PARD6G: variants seen among roughly 807,000 people sequenced by gnomAD.
The protein encoded by PARD6G is partitioning defective 6 homolog gamma.
In PARD6G, 7 loss-of-function variants were observed where a neutral mutation model predicts 10.7. The ratio of observed to expected loss-of-function variants is 0.66; its 90% CI spans 0.37 to 1.23. The LOEUF (loss-of-function observed/expected upper bound fraction) is 1.23. PARD6G is among the 50% of genes most tolerant of loss of function. The probability of loss-of-function intolerance (pLI) is 0.02; values close to 1 mark genes in which losing one functional copy is unlikely to be tolerated. For synonymous variants in PARD6G, 287 were observed against 269.4 expected (o/e 1.07, Z -0.64); for missense variants, 548 against 571.8 (o/e 0.96, Z 0.42).
intron 1 of PARD6G, among the ~76,000 whole-genome samples, chr18:80,225,019 T>C (rs62101590): frequency 0.17 from 26,321 of 152,032 alleles, 2,857 homozygotes; most frequent in East Asian, 0.43. Context: ...ACTGAAAACA[T>C]AGTCCCCTGC....
intron 1 of PARD6G, among the ~76,000 whole-genome samples, chr18:80,229,882 G>A (rs1052497789): frequency 2.0e-5 from 3 of 152,214 alleles, no homozygotes; most frequent in African/African-American, 4.8e-5. Flanking sequence ...TGGGCGGCCA[G>A]GCAAACAGGA....
intron 2 of PARD6G, among the ~76,000 whole-genome samples, chr18:80,176,514 G>A (rs1413166092): frequency 6.6e-6 from 1 of 152,184 alleles, no homozygotes. Flanking sequence ...AGCTGGTCCT[G>A]AGTCTCAGCT....
chr18:80,229,034 G>A (rs1029453158), intron 1 of PARD6G, among the ~76,000 whole-genome samples: 1 of 152,172 alleles, frequency 6.6e-6, no homozygotes, highest in Non-Finnish European at 1.5e-5. Context: ...CACCTCCTGG[G>A]TTCAAGCGAT....
chr18:80,159,586 A>T lies in PARD6G; in HGVS notation c.*185T>A. On this transcript the variant is annotated 3_prime_UTR_variant, in exon 3 of 3. Coordinates refer to ENST00000353265, the MANE Select transcript of PARD6G (RefSeq NM_032510.4). ...GAGTGTCTCTACAGGCGTTCATTTT[A>T]AGTTCTGTGGCGAAATTCTATAAAA... 1 of 1,010,232 alleles carries T rather than the reference A, an allele frequency of 9.9e-7. No individual in the cohort carries two copies. The highest frequency in any genetic ancestry group is 1.3e-6 in the Non-Finnish European group (1 of 772,162). The allele number at this position is 1,010,232 out of a possible 1,614,324, so 62.6% of individuals were successfully genotyped here. A position where few individuals can be genotyped will look rare whatever the true frequency, so the allele number is the denominator to read the frequency against.
intron 2 of PARD6G, among the ~76,000 whole-genome samples, chr18:80,167,793 C>T (rs1353218865): frequency 6.6e-6 from 1 of 152,136 alleles, no homozygotes; most frequent in Non-Finnish European, 1.5e-5. Flanking sequence ...CCACCCTGTA[C>T]AAAGGCAGGT....
intron 2 of PARD6G, among the ~76,000 whole-genome samples, chr18:80,190,760 GACA>G (rs1049941083): frequency 6.6e-6 from 1 of 152,192 alleles, no homozygotes; most frequent in Non-Finnish European, 1.5e-5. Flanking sequence ...AGCCTACAGA[GACA>G]ACGCCTCTGA....
Position 80,181,138 on chromosome 18 carries a change from C to T in PARD6G, c.296-20532G>A, listed in dbSNP as rs934831842. 1.3e-5 allele frequency among the ~76,000 whole-genome samples: 2 copies of T among 152,118 alleles called. No individual in the cohort carries two copies. The highest frequency in any genetic ancestry group is 2.1e-4 in the South Asian group (1 of 4,826). On this transcript the variant is annotated intron_variant, in intron 2 of 2. Transcript: ENST00000353265. The surrounding 1 kb of genome is among the most constrained non-coding windows in gnomAD (Gnocchi z 7.9). ...CCTGCGGGGGTGGGCCAGGAAGGGG[C>T]GCCACCCTGAAGGCTCAGTCTGTGT...
chr18:80,159,516 T>TATCA lies in PARD6G; in HGVS notation c.*251_*254dup. ...TTTTTGCACTTGGTCAGATCTTTTC[T>TATCA]ATCACTTTGCAAAGGCGCCAAGACC... On this transcript the variant is annotated 3_prime_UTR_variant, in exon 3 of 3. Coordinates refer to ENST00000353265, the MANE Select transcript of PARD6G (RefSeq NM_032510.4). 2.3e-6 allele frequency: 1 copy of TATCA among 430,006 alleles called. No individual in the cohort carries two copies. The allele number at this position is 430,006 out of a possible 1,614,324, so 26.6% of individuals were successfully genotyped here.
intron 1 of PARD6G, among the ~76,000 whole-genome samples, chr18:80,209,684 C>T (rs1006842227): frequency 2.6e-5 from 4 of 152,062 alleles, no homozygotes; most frequent in Non-Finnish European, 5.9e-5. Context: ...TGGTGGCACA[C>T]GCCTGTAGTC....
Position 80,183,244 on chromosome 18 carries a change from T to A in PARD6G, c.295+19466A>T. Reference sequence around the variant, plus strand: ...AGACTTCTGCAAAACAAGCTGCAGATAGGCATGGAGAAGAGCAAAGCCGCA... The same window carrying A: ...AGACTTCTGCAAAACAAGCTGCAGAAAGGCATGGAGAAGAGCAAAGCCGCA... On this transcript the variant is annotated intron_variant, in intron 2 of 2. Coordinates refer to ENST00000353265, the MANE Select transcript of PARD6G (RefSeq NM_032510.4). This position sits in a 1 kb window ranked among gnomAD's most constrained non-coding sequence, Gnocchi z 4.5. 2.9e-6 allele frequency: 2 copies of A among 700,432 alleles called. No homozygotes were observed. The highest frequency in any genetic ancestry group is 5.2e-6 in the Non-Finnish European group (2 of 383,510). The allele number at this position is 700,432 out of a possible 1,614,324, so 43.4% of individuals were successfully genotyped here. A position where few individuals can be genotyped will look rare whatever the true frequency, so the allele number is the denominator to read the frequency against.
At position 80,201,190 on chromosome 18, in the gene PARD6G, A is replaced by AG. The variant is rs1967004104; in HGVS notation, c.295+1519dup. Reference sequence around the variant, plus strand: ...TAAGAGGACAGAGGACGACAGGCAGAGGGGAACACGGGCTCATCAGATCAA... The same window carrying AG: ...TAAGAGGACAGAGGACGACAGGCAGAGGGGGAACACGGGCTCATCAGATCAA... On this transcript the variant is annotated intron_variant, in intron 2 of 2. Transcript: ENST00000353265. The surrounding 1 kb of genome is among the most constrained non-coding windows in gnomAD (Gnocchi z 5.9). 6.6e-6 allele frequency among the ~76,000 whole-genome samples: 1 copy of AG among 152,176 alleles called. No homozygotes were observed. The highest frequency in any genetic ancestry group is 2.4e-5 in the African/African-American group (1 of 41,442).
intron 2 of PARD6G, among the ~76,000 whole-genome samples, chr18:80,195,740 T>C (rs2145275503): frequency 2.0e-5 from 3 of 151,062 alleles, no homozygotes; most frequent in African/African-American, 4.9e-5. Flanking sequence ...CCAGGCGTGG[T>C]GGCGCGTGCC....
intron 2 of PARD6G, among the ~76,000 whole-genome samples, chr18:80,173,993 G>C (rs1484626103): frequency 1.3e-5 from 2 of 152,196 alleles, no homozygotes; most frequent in African/African-American, 4.8e-5. Flanking sequence ...TCAGTCTGTA[G>C]AGTTAGGGAA....
At position 80,247,464 on chromosome 18, in the gene PARD6G, G is replaced by C; in HGVS notation, c.-116C>G. 1.6e-6 allele frequency: 1 copy of C among 607,120 alleles called. No homozygotes were observed. Among genetic ancestry groups the C allele is most frequent in the Non-Finnish European group, 2.2e-6 (1 of 449,850 alleles). 37.6% of individuals were successfully genotyped at this position (607,120 alleles called of 1,614,324 possible). A position where few individuals can be genotyped will look rare whatever the true frequency, so the allele number is the denominator to read the frequency against. Reference sequence around the variant, plus strand: ...GGCCCCGGCCCGCGCTCGCTTGGCCGGCGGGCTGCTCCCGGTGCTGCGGGC... The same window carrying C: ...GGCCCCGGCCCGCGCTCGCTTGGCCCGCGGGCTGCTCCCGGTGCTGCGGGC... On this transcript the variant is annotated 5_prime_UTR_variant, in exon 1 of 3. Coordinates refer to ENST00000353265, the MANE Select transcript of PARD6G (RefSeq NM_032510.4). The surrounding 1 kb of genome is among the most constrained non-coding windows in gnomAD (Gnocchi z 4.2).
chr18:80,185,273 A>T (rs1160790173), intron 2 of PARD6G, among the ~76,000 whole-genome samples: 2 of 151,826 alleles, frequency 1.3e-5, no homozygotes, highest in Non-Finnish European at 2.9e-5. Context: ...TACAGGTGAC[A>T]CACTCACAGG....
At chr18:80,176,606 T>C (rs546123822) in intron 2 of PARD6G, among the ~76,000 whole-genome samples, 3 of 152,232 alleles carry the variant, frequency 2.0e-5, no homozygotes, top group South Asian at 4.2e-4. Flanking sequence ...CAGCTTGCTA[T>C]GGAAGGGGGT....
intron 1 of PARD6G, among the ~76,000 whole-genome samples, chr18:80,240,945 A>G (rs1225982363): frequency 1.3e-5 from 2 of 152,238 alleles, no homozygotes; most frequent in African/African-American, 2.4e-5. Flanking sequence ...TATGCCTGCC[A>G]CAAAGTAGTT....
intron 1 of PARD6G, among the ~76,000 whole-genome samples, chr18:80,223,762 T>C (rs1967257222): frequency 6.6e-6 from 1 of 152,166 alleles, no homozygotes; most frequent in Admixed American, 6.5e-5. Context: ...AGGCACTCAG[T>C]GGAGACTCTG....
intron 1 of PARD6G, among the ~76,000 whole-genome samples, chr18:80,214,792 G>A (rs1393227246): frequency 6.6e-6 from 1 of 152,090 alleles, no homozygotes; most frequent in Non-Finnish European, 1.5e-5. Flanking sequence ...AGGCTATTTG[G>A]AAAAATAATA....
Sources: gnomAD v4.1 joint callset for allele counts (sites outside exome capture counted in the v4.1 genomes callset) on GRCh38, gnomAD v4.1.1 for gene constraint, Gnocchi (gnomAD v3.1) non-coding constraint, MANE v1.5 for transcripts, NCBI Gene and HGNC (gene_info 2026-07-23, HGNC 2026-07-21) for gene names.